The following THEMIS variants were observed in gnomAD, a reference collection of about 807,000 sequenced individuals.
THEMIS encodes the protein thymocyte selection associated, also known as protein THEMIS.
A neutral mutation model predicts 52.6 loss-of-function variants in THEMIS; 37 were observed. That is an observed-to-expected ratio of 0.70 (90% CI 0.54 to 0.93). The LOEUF is 0.93. Among genes scored for constraint, THEMIS ranks in the 40% least tolerant of loss-of-function variants. The probability of loss-of-function intolerance (pLI) is 0.00; values close to 1 mark genes in which losing one functional copy is unlikely to be tolerated. For synonymous variants in THEMIS, 292 were observed against 272.7 expected (o/e 1.07, Z -0.70); for missense variants, 808 against 763.1 (o/e 1.06, Z -0.69).
upstream of THEMIS, among the ~76,000 whole-genome samples, chr6:127,904,432 G>T (rs904960756): frequency 2.0e-5 from 3 of 151,912 alleles, no homozygotes; most frequent in South Asian, 2.1e-4. Flanking sequence ...TAAGAGAAAG[G>T]GTTGCCTATA....
At chr6:127,896,196 G>A (rs775684382) in intron 1 of THEMIS, among the ~76,000 whole-genome samples, 3 of 150,890 alleles carry the variant, frequency 2.0e-5, no homozygotes, top group Non-Finnish European at 3.0e-5. Flanking sequence ...ACTGAAAATT[G>A]CTCTCAGTGG....
At chr6:127,747,914 A>G (rs1775504455) in intron 4 of THEMIS, among the ~76,000 whole-genome samples, 1 of 152,088 alleles carries the variant, frequency 6.6e-6, no homozygotes. Context: ...ACACTTTTGC[A>G]CAAAAAGCAA....
At chr6:127,750,412 C>A (rs1381347247) in intron 4 of THEMIS, among the ~76,000 whole-genome samples, 2 of 151,380 alleles carry the variant, frequency 1.3e-5, no homozygotes, top group African/African-American at 2.4e-5. Flanking sequence ...ATATCTCATA[C>A]AATATGTTGT....
intron 4 of THEMIS, among the ~76,000 whole-genome samples, chr6:127,784,999 CTATCTAT>C (rs774519699): frequency 1.2e-4 from 13 of 108,348 alleles, no homozygotes; most frequent in African/African-American, 4.6e-4. Context: ...ATCTATCTAT[CTATCTAT>C]TATCTATCTA....
At chr6:127,891,576 A>G (rs555056683) in intron 1 of THEMIS, among the ~76,000 whole-genome samples, 122 of 151,682 alleles carry the variant, frequency 8.0e-4, no homozygotes, top group African/African-American at 2.9e-3. Flanking sequence ...AAAGAAAAAG[A>G]AAGTCCTGAC....
intron 1 of THEMIS, among the ~76,000 whole-genome samples, chr6:127,875,054 A>G (rs553964517): frequency 2.6e-5 from 4 of 152,348 alleles, no homozygotes; most frequent in African/African-American, 9.6e-5. Context: ...TGTGCTCCTT[A>G]TAAGAATCTA....
At chr6:127,800,799 C>T (rs1184457174) in intron 4 of THEMIS, among the ~76,000 whole-genome samples, 2 of 152,170 alleles carry the variant, frequency 1.3e-5, no homozygotes, top group Non-Finnish European at 1.5e-5. Context: ...CCTTGAACAT[C>T]GGACTCCAAG....
chr6:127,780,350 A>G (rs1309173442), intron 4 of THEMIS, among the ~76,000 whole-genome samples: 2 of 152,072 alleles, frequency 1.3e-5, no homozygotes, highest in African/African-American at 4.8e-5. Context: ...ACTCTACCCA[A>G]TTTGCCAGTC....
At chr6:127,781,551 TGG>T (rs1776744537) in intron 4 of THEMIS, among the ~76,000 whole-genome samples, 1 of 152,192 alleles carries the variant, frequency 6.6e-6, no homozygotes, top group Non-Finnish European at 1.5e-5. Context: ...TCTTTGATGT[TGG>T]TGACCTTTGG....
rs546981832 is a variant in THEMIS, at chr6:127,817,689, A to C, written c.710-3758T>G. On this transcript the variant is annotated intron_variant, in intron 3 of 5. Coordinates refer to ENST00000368248, the MANE Select transcript of THEMIS (RefSeq NM_001010923.3). The stretch of plus-strand genomic sequence containing the variant: ...CACAGGGCAAACCACCACCCCAAAA[A>C]CTAGACAGGTAGGCAAATACAAACA... Among the ~76,000 whole-genome samples, 14 of 152,250 alleles carry C rather than the reference A, an allele frequency of 9.2e-5. No homozygotes were observed. In the South Asian group the frequency reaches 2.9e-3, roughly 32 times the overall value.
chr6:127,702,515 T>C, the THEMIS span, among the ~76,000 whole-genome samples: 1 of 152,192 alleles, frequency 6.6e-6, no homozygotes, highest in Non-Finnish European at 1.5e-5. Context: ...TCAGTGTTTT[T>C]TAACACCTCT....
chr6:127,821,840 C>G (rs986087988), intron 3 of THEMIS, among the ~76,000 whole-genome samples: 7 of 151,930 alleles, frequency 4.6e-5, no homozygotes, highest in African/African-American at 1.5e-4. Flanking sequence ...TCTCAACTCA[C>G]TAAGTGAGAA....
At chr6:127,785,215 C>CTGTCT (rs1776898444) in intron 4 of THEMIS, among the ~76,000 whole-genome samples, 1 of 90,044 alleles carries the variant, frequency 1.1e-5, no homozygotes, top group African/African-American at 4.4e-5. Flanking sequence ...TACCTATTAT[C>CTGTCT]TATCTTATCT....
At chr6:127,700,544 A>C in the THEMIS span, among the ~76,000 whole-genome samples, 1 of 152,072 alleles carries the variant, frequency 6.6e-6, no homozygotes, top group Non-Finnish European at 1.5e-5. Context: ...TTTTAACAAA[A>C]TGATTTGGGA....
At chr6:127,849,618 A>G (rs1416247668) in intron 2 of THEMIS, among the ~76,000 whole-genome samples, 1 of 152,028 alleles carries the variant, frequency 6.6e-6, no homozygotes, top group Non-Finnish European at 1.5e-5. Context: ...ATCATCAACA[A>G]AGCATACAAA....
At chr6:127,699,024 C>T in the THEMIS span, among the ~76,000 whole-genome samples, 1 of 147,496 alleles carries the variant, frequency 6.8e-6, no homozygotes, top group East Asian at 1.9e-4. Flanking sequence ...TTGGTACAAA[C>T]CTAGTATCTC....
chr6:127,880,390 T>A (rs1780444715), intron 1 of THEMIS, among the ~76,000 whole-genome samples: 1 of 151,824 alleles, frequency 6.6e-6, no homozygotes, highest in Admixed American at 6.6e-5. Flanking sequence ...CTGGAATAAA[T>A]ATATATGCTG....
In THEMIS at chr6:127,813,268, T is replaced by C. The variant is rs1328160302; in HGVS notation, c.1373A>G (p.Asn458Ser). 15 of 1,613,980 alleles carry C rather than the reference T, an allele frequency of 9.3e-6. No homozygotes were observed. The highest frequency in any genetic ancestry group is 6.6e-5 in the South Asian group (6 of 91,078). Residue 458 changes from asparagine to serine, a missense_variant, in exon 4 of 6, where the codon AAT (asparagine) becomes AGT (serine). Asn to Ser is a conservative substitution (Grantham distance 46). Transcript: ENST00000368248. ...AAGATCCCTGACAGACACCTTCACA[T>C]TGAAGGGCAAACGGAACTGTTTACA... ...ELCKQFRLPF[N>S]VKVSVRDLSI...
At chr6:127,741,407 T>C (rs1396175957) in intron 4 of THEMIS, among the ~76,000 whole-genome samples, 1 of 152,154 alleles carries the variant, frequency 6.6e-6, no homozygotes, top group East Asian at 1.9e-4. Context: ...TATTATAGAC[T>C]TAGAATCATA....
Sources: gnomAD v4.1 joint callset for allele counts (sites outside exome capture counted in the v4.1 genomes callset) on GRCh38, gnomAD v4.1.1 for gene constraint, MANE v1.5 for transcripts, NCBI Gene and HGNC (gene_info 2026-07-23, HGNC 2026-07-21) for gene names.